The following SLC6A16 variants were observed in gnomAD, a reference collection of about 807,000 sequenced individuals.
The protein encoded by SLC6A16 is orphan sodium- and chloride-dependent neurotransmitter transporter NTT5.
A neutral mutation model predicts 65.4 loss-of-function variants in SLC6A16; 54 were observed. The ratio of observed to expected loss-of-function variants is 0.83; its 90% CI spans 0.66 to 1.04. The LOEUF is 1.04. Ranked by LOEUF, SLC6A16 falls within the 50% of genes least tolerant of loss-of-function variation. The probability of loss-of-function intolerance (pLI) is 0.00; values close to 1 mark genes in which losing one functional copy is unlikely to be tolerated. For synonymous variants in SLC6A16, 330 were observed against 346.5 expected, an observed-to-expected ratio of 0.95 and a Z score of 0.53; for missense variants, 816 against 914.0, an observed-to-expected ratio of 0.89 and a Z score of 1.38.
In SLC6A16 at chr19:49,303,243, G is replaced by C. The variant is rs377122077; in HGVS notation, c.1229+5633C>G. ...AGAGAAAAGCATATCACATATAAGG[G>C]AGCCCCAGTACAAGTATCGACACAT... On this transcript the variant is annotated intron_variant, in intron 7 of 11. Transcript: ENST00000335875. Among the ~76,000 whole-genome samples the C allele has an allele frequency of 2.0e-4, 30 of 152,260 alleles. 1 individual carries two copies. Among genetic ancestry groups the C allele is most frequent in the Admixed American group, 9.8e-4 (15 of 15,300 alleles).
the SLC6A16 span, chr19:49,335,464 C>T: frequency 6.7e-6 from 7 of 1,041,436 alleles, no homozygotes; most frequent in African/African-American, 9.5e-5. This position sits in a 1 kb window ranked among gnomAD's most constrained non-coding sequence, Gnocchi z 4.6. Flanking sequence ...CTCTCAGCCT[C>T]TTTCTTTCTC....
the SLC6A16 span, chr19:49,337,846 C>G: frequency 1.3e-6 from 2 of 1,599,306 alleles, no homozygotes; most frequent in Non-Finnish European, 1.7e-6. Flanking sequence ...GCACAGGGCC[C>G]GCCTGAGGCT....
At chr19:49,308,694 G>A in intron 7 of SLC6A16, 182 bp downstream of exon 7, 1 of 703,950 alleles carries the variant, frequency 1.4e-6, no homozygotes, top group South Asian at 1.8e-5. Flanking sequence ...GCTCTGAGAA[G>A]GATAATATAT....
chr19:49,301,308 G>C (rs1476401320), intron 7 of SLC6A16, among the ~76,000 whole-genome samples: 1 of 152,202 alleles, frequency 6.6e-6, no homozygotes, highest in African/African-American at 2.4e-5. Flanking sequence ...AGTGTTTTGG[G>C]ACACTGCCCA....
chr19:49,336,516 T>A, the SLC6A16 span: 1 of 178,850 alleles, frequency 5.6e-6, no homozygotes, highest in African/African-American at 2.4e-5. Flanking sequence ...CGAGATCACA[T>A]CACTGCACTC....
intron 1 of SLC6A16, among the ~76,000 whole-genome samples, chr19:49,318,914 T>C (rs2146166046): frequency 7.2e-6 from 1 of 139,848 alleles, no homozygotes; most frequent in Non-Finnish European, 1.5e-5. Context: ...GGTTTTGCCA[T>C]GTTGGCCAGG....
At chr19:49,324,617 T>C (rs886543147) in intron 1 of SLC6A16, among the ~76,000 whole-genome samples, 2 of 152,068 alleles carry the variant, frequency 1.3e-5, no homozygotes, top group African/African-American at 4.8e-5. Context: ...ATTACCTCCT[T>C]CCCTGGAACT....
In SLC6A16 at chr19:49,309,634, C is replaced by A; in HGVS notation, c.876+17G>T. On this transcript the variant is annotated intron_variant, in intron 5 of 11. Transcript: ENST00000335875. Reference sequence around the variant, plus strand: ...AAGCATCTGAGAATTTCAAGGAATCCAATACTGGTGGCTCACCTTCCCAGT... The same window carrying A: ...AAGCATCTGAGAATTTCAAGGAATCAAATACTGGTGGCTCACCTTCCCAGT... 6.2e-7 allele frequency: 1 copy of A among 1,607,556 alleles called. No individual in the cohort carries two copies. Among genetic ancestry groups the A allele is most frequent in the Non-Finnish European group, 8.5e-7 (1 of 1,174,282 alleles).
intron 7 of SLC6A16, among the ~76,000 whole-genome samples, chr19:49,296,206 C>CA (rs1206825109): frequency 5.3e-5 from 8 of 152,274 alleles, no homozygotes; most frequent in Non-Finnish European, 8.8e-5. Context: ...AGGCTGGTCT[C>CA]AAACTCCGGA....
chr19:49,331,696 A>C, the SLC6A16 span: 1 of 450,508 alleles, frequency 2.2e-6, no homozygotes, highest in Non-Finnish European at 4.5e-6. Flanking sequence ...AGAAAGAGTA[A>C]GGATTATGGA....
chr19:49,314,028 G>A (rs533091315), intron 1 of SLC6A16, among the ~76,000 whole-genome samples: 6 of 151,958 alleles, frequency 3.9e-5, no homozygotes, highest in African/African-American at 9.6e-5. Context: ...CCTGGGAAGC[G>A]GAGTTTGCAG....
Position 49,290,623 on chromosome 19 carries a change from C to T in SLC6A16, c.1923G>A (p.Met641Ile), listed in dbSNP as rs758633120. The T allele has an allele frequency of 1.2e-6, 2 of 1,614,092 alleles. No homozygotes were observed. The highest frequency in any genetic ancestry group is 1.1e-5 in the South Asian group (1 of 91,080). The change falls in exon 11 of 12, where the codon ATG (methionine) becomes ATA (isoleucine). Residue 641 changes from methionine (M) to isoleucine (I), a missense_variant. Physicochemically the swap from Met to Ile is conservative, Grantham distance 10. Transcript: ENST00000335875. ...GGCTCACGGTGCTTGAGTCCCAGGA[C>T]ATGTAGGTGATCGGCTTCATACAAA... is the stretch of plus-strand genomic sequence containing the variant. The part of the protein sequence containing the change: ...VHLCMKPITY[M>I]SWDSSTSKEV...
At position 49,313,816 on chromosome 19, in the gene SLC6A16, C is replaced by A. The variant is rs141747313; in HGVS notation, c.-64-2405G>T. Reference sequence around the variant, plus strand: ...TCTCAAAAAAATAATAATAATCAGCCGGGCACAGTGGCTCACGCCTGTAAT... The same window carrying A: ...TCTCAAAAAAATAATAATAATCAGCAGGGCACAGTGGCTCACGCCTGTAAT... On this transcript the variant is annotated intron_variant, in intron 1 of 11. Coordinates refer to ENST00000335875, the MANE Select transcript of SLC6A16 (RefSeq NM_014037.3). Among the ~76,000 whole-genome samples the A allele has an allele frequency of 5.0e-3, 763 of 151,810 alleles. 5 individuals are homozygous for A. Among genetic ancestry groups the A allele is most frequent in the African/African-American group, 0.017 (714 of 41,392 alleles).
chr19:49,329,790 G>C (rs531942446), upstream of SLC6A16, among the ~76,000 whole-genome samples: 163 of 151,886 alleles, frequency 1.1e-3, no homozygotes, highest in African/African-American at 3.8e-3. Context: ...CCGCCACTAC[G>C]CCTGGCTAAT....
At chr19:49,291,303 C>G (rs1038840459) in intron 10 of SLC6A16, among the ~76,000 whole-genome samples, 3 of 151,920 alleles carry the variant, frequency 2.0e-5, no homozygotes, top group African/African-American at 4.8e-5. Flanking sequence ...TCTAGGCCAC[C>G]TTCCCTAACT....
At chr19:49,299,289 C>T (rs2146089458) in intron 7 of SLC6A16, among the ~76,000 whole-genome samples, 1 of 151,380 alleles carries the variant, frequency 6.6e-6, no homozygotes, top group Middle Eastern at 3.5e-3. Flanking sequence ...GAAGCGGGCT[C>T]ATGCCTGTAA....
At chr19:49,319,061 C>T (rs1970663344) in intron 1 of SLC6A16, among the ~76,000 whole-genome samples, 1 of 151,482 alleles carries the variant, frequency 6.6e-6, no homozygotes, top group South Asian at 2.1e-4. Flanking sequence ...GATACAACAC[C>T]TGAAATGAAA....
the SLC6A16 span, chr19:49,336,057 C>T: frequency 5.9e-6 from 3 of 509,272 alleles, no homozygotes; most frequent in Non-Finnish European, 1.1e-5. Context: ...ACCTTCCCCT[C>T]GCTTGAGGTT....
At chr19:49,312,713 T>C in intron 1 of SLC6A16, 1 of 263,502 alleles carries the variant, frequency 3.8e-6, no homozygotes, top group Non-Finnish European at 5.9e-6. Flanking sequence ...AGGCAGTAGA[T>C]GGGCTTCAAG....
Sources: allele counts gnomAD v4.1 joint callset (sites outside exome capture counted in the v4.1 genomes callset), GRCh38; gene constraint gnomAD v4.1.1; non-coding constraint Gnocchi (gnomAD v3.1); transcripts MANE v1.5; gene names NCBI Gene and HGNC (gene_info 2026-07-23, HGNC 2026-07-21).